Variants in GUCY1A2 observed in about 807,000 individuals in gnomAD.
GUCY1A2 encodes guanylate cyclase 1 soluble subunit alpha 2, also known as guanylate cyclase soluble subunit alpha-2.
A neutral mutation model predicts 63.5 loss-of-function variants in GUCY1A2; 27 were observed. The observed-to-expected ratio is 0.43, with a 90% confidence interval of 0.31 to 0.59. GUCY1A2 has a LOEUF of 0.59. GUCY1A2 is among the 20% of genes least tolerant of loss of function. GUCY1A2 has a pLI of 0.11. For synonymous variants in GUCY1A2, 364 were observed against 343.5 expected (o/e 1.06, Z -0.66); for missense variants, 768 against 913.3 (o/e 0.84, Z 2.05).
At chr11:106,767,240 G>A (rs958074194) in intron 6 of GUCY1A2, among the ~76,000 whole-genome samples, 1 of 152,038 alleles carries the variant, frequency 6.6e-6, no homozygotes. Flanking sequence ...CTCCACTAAA[G>A]AATGTATTTT....
At chr11:106,713,508 T>C (rs1480097385) in intron 6 of GUCY1A2, among the ~76,000 whole-genome samples, 2 of 133,976 alleles carry the variant, frequency 1.5e-5, no homozygotes, top group Non-Finnish European at 3.2e-5. Context: ...TTTTTTTTTT[T>C]TTTTTTTTTT....
At chr11:106,829,429 C>A (rs560558686) in intron 4 of GUCY1A2, among the ~76,000 whole-genome samples, 2 of 152,160 alleles carry the variant, frequency 1.3e-5, no homozygotes, top group Non-Finnish European at 2.9e-5. Flanking sequence ...TACTTGCTGG[C>A]TGAGTGACGA....
chr11:106,966,203 G>C (rs965592135), intron 3 of GUCY1A2, among the ~76,000 whole-genome samples: 1 of 152,080 alleles, frequency 6.6e-6, no homozygotes, highest in Admixed American at 6.6e-5. Flanking sequence ...TGCCTCCTGG[G>C]TTCAAGCAAT....
intron 6 of GUCY1A2, among the ~76,000 whole-genome samples, chr11:106,724,386 C>T (rs538664725): frequency 1.1e-4 from 16 of 152,302 alleles, no homozygotes; most frequent in African/African-American, 3.1e-4. Flanking sequence ...CATATTGTCA[C>T]GTAGCTAGAT....
At chr11:106,716,197 A>C (rs1340689273) in intron 6 of GUCY1A2, among the ~76,000 whole-genome samples, 1 of 152,182 alleles carries the variant, frequency 6.6e-6, no homozygotes, top group African/African-American at 2.4e-5. Context: ...GGAGGGAGGC[A>C]GTTTGTAAGG....
At chr11:106,722,816 G>A (rs2135364585) in intron 6 of GUCY1A2, among the ~76,000 whole-genome samples, 2 of 143,522 alleles carry the variant, frequency 1.4e-5, no homozygotes, top group South Asian at 2.2e-4. Context: ...GTGTGTGTGT[G>A]TGTTGCACAC....
chr11:106,745,260 C>T (rs1300527107), intron 6 of GUCY1A2, among the ~76,000 whole-genome samples: 1 of 151,966 alleles, frequency 6.6e-6, no homozygotes, highest in Non-Finnish European at 1.5e-5. Flanking sequence ...CTTACTAAAC[C>T]CCACAGTGTT....
rs188382420 is a variant in GUCY1A2, at chr11:106,733,710, G to A, written c.1837-25044C>T. Among the ~76,000 whole-genome samples the A allele has an allele frequency of 2.6e-5, 4 of 151,958 alleles. No individual in the cohort carries two copies. The East Asian group carries it at 7.7e-4, about 29-fold the overall frequency. On this transcript the variant is annotated intron_variant, in intron 6 of 7. Coordinates refer to ENST00000526355, the MANE Select transcript of GUCY1A2 (RefSeq NM_000855.3). ...GTGGTGGGGACAGGCCAGGGGAACT[G>A]ATTGGAACTAATTTGGAAAGGAGGA...
At position 107,011,500 on chromosome 11, in the gene GUCY1A2, A is replaced by G. The variant is rs141897976; in HGVS notation, c.303+6253T>C. Among the ~76,000 whole-genome samples, 41 of 147,916 alleles carry G rather than the reference A, an allele frequency of 2.8e-4. No individual in the cohort carries two copies. In the East Asian group the frequency reaches 8.0e-3, roughly 29 times the overall value. On this transcript the variant is annotated intron_variant, in intron 1 of 7. Coordinates refer to ENST00000526355, the MANE Select transcript of GUCY1A2 (RefSeq NM_000855.3). ...ATACACTAAAAAGGAATATATAATC[A>G]GGACTATATAATATATATAAAATAT...
At chr11:106,940,431 T>C (rs1860737733) in intron 3 of GUCY1A2, among the ~76,000 whole-genome samples, 1 of 152,204 alleles carries the variant, frequency 6.6e-6, no homozygotes, top group Non-Finnish European at 1.5e-5. Flanking sequence ...AGACTACATA[T>C]TTTTAGACCA....
At chr11:107,010,165 C>G (rs1011603013) in intron 1 of GUCY1A2, among the ~76,000 whole-genome samples, 1 of 152,114 alleles carries the variant, frequency 6.6e-6, no homozygotes, top group Non-Finnish European at 1.5e-5. Context: ...GCAAATTTCC[C>G]GCCTTCCAAG....
intron 6 of GUCY1A2, among the ~76,000 whole-genome samples, chr11:106,761,267 CT>C (rs1168579510): frequency 6.6e-6 from 1 of 152,116 alleles, no homozygotes; most frequent in East Asian, 1.9e-4. Context: ...AAATTTCCAA[CT>C]TTTAAAAGCT....
rs776844283 is a variant in GUCY1A2, at chr11:106,810,421, A to C, written c.1264T>G (p.Leu422Val). The part of the protein sequence containing the change: ...HVPESNSILF[L>V]GSPCVDKLDE... ...AACTTGTCCACACATGGAGAGCCCA[A>C]AAATAAAATGGAATTTGATTCTGGA... Residue 422 changes from leucine to valine, a missense_variant, in exon 5 of 8, where the codon TTG becomes GTG. This residue lies in a region of GUCY1A2 where 122 missense variants were observed against 238.1 expected (regional missense o/e 0.51). Transcript: ENST00000526355. 3 of 1,611,652 alleles carry C rather than the reference A, an allele frequency of 1.9e-6. No individual in the cohort carries two copies. Among genetic ancestry groups the C allele is most frequent in the Non-Finnish European group, 2.5e-6 (3 of 1,178,974 alleles).
At chr11:106,958,142 G>A (rs149108013) in intron 3 of GUCY1A2, among the ~76,000 whole-genome samples, 1 of 152,064 alleles carries the variant, frequency 6.6e-6, no homozygotes, top group Admixed American at 6.6e-5. Context: ...ACTTCTGGAA[G>A]ATGAAATCTT....
intron 3 of GUCY1A2, among the ~76,000 whole-genome samples, chr11:106,976,279 T>G (rs1197312534): frequency 1.3e-5 from 2 of 152,062 alleles, no homozygotes; most frequent in African/African-American, 2.4e-5. Flanking sequence ...GGCATCAAAA[T>G]TTTTCTTATC....
chr11:106,905,135 T>C (rs11211968), intron 4 of GUCY1A2, among the ~76,000 whole-genome samples: 87,153 of 151,942 alleles, frequency 0.57, 25,352 homozygotes, highest in Admixed American at 0.63. Flanking sequence ...TCGGCAAACA[T>C]GGAAAGATAC....
intron 1 of GUCY1A2, among the ~76,000 whole-genome samples, chr11:106,997,865 A>G (rs542024375): frequency 3.5e-4 from 53 of 152,108 alleles, no homozygotes; most frequent in Non-Finnish European, 6.6e-4. Flanking sequence ...TGTGAAAAAC[A>G]TGTTTTAGAA....
chr11:106,913,860 G>A (rs867989437), intron 4 of GUCY1A2, among the ~76,000 whole-genome samples: 8 of 151,678 alleles, frequency 5.3e-5, no homozygotes, highest in South Asian at 2.1e-4. Context: ...AGGCCAAAGT[G>A]TTCCTTAGCC....
Position 106,678,061 on chromosome 11 carries a change from A to G in GUCY1A2, c.*9488T>C, listed in dbSNP as rs948093605. 23 of 201,594 alleles carry G rather than the reference A, an allele frequency of 1.1e-4. No homozygotes were observed. The highest frequency in any genetic ancestry group is 1.9e-4 in the Non-Finnish European group (19 of 97,880). 12.5% of individuals were successfully genotyped at this position (201,594 alleles called of 1,614,324 possible). A position where few individuals can be genotyped will look rare whatever the true frequency, so the allele number is the denominator to read the frequency against. ...TTGAAACAAATTTTAAAAGAAGAAT[A>G]GTAATTTGGGCTGCCATCCATTAAT... On this transcript the variant is annotated 3_prime_UTR_variant, in exon 8 of 8. Coordinates refer to ENST00000526355, the MANE Select transcript of GUCY1A2 (RefSeq NM_000855.3).
Sources: gnomAD v4.1 joint callset for allele counts (sites outside exome capture counted in the v4.1 genomes callset) on GRCh38, gnomAD v4.1.1 for gene constraint, gnomAD v4.1.1 regional missense constraint, MANE v1.5 for transcripts, NCBI Gene and HGNC (gene_info 2026-07-23, HGNC 2026-07-21) for gene names.